SDK1: variants seen among roughly 807,000 people sequenced by gnomAD.
The protein encoded by SDK1 is protein sidekick-1.
SDK1 carries 157 observed loss-of-function variants against 245.5 expected under a neutral mutation model. That is an observed-to-expected ratio of 0.64 (90% CI 0.56 to 0.73). The LOEUF is 0.73. Ranked by LOEUF, SDK1 falls within the 30% of genes least tolerant of loss-of-function variation. The probability of loss-of-function intolerance (pLI) is 0.00; values close to 1 mark genes in which losing one functional copy is unlikely to be tolerated. For missense variants in SDK1, 3,583 were observed against 3,002.3 expected (o/e 1.19, Z -4.52); for synonymous variants, 1,647 against 1,278.5 (o/e 1.29, Z -6.15).
intron 4 of SDK1, among the ~76,000 whole-genome samples, chr7:3,756,816 A>G (rs998664264): frequency 4.6e-5 from 7 of 152,092 alleles, no homozygotes; most frequent in African/African-American, 4.8e-5. Flanking sequence ...GACTGGGGTT[A>G]TGGATTTTGG....
At chr7:3,823,501 A>G (rs887664948) in intron 5 of SDK1, among the ~76,000 whole-genome samples, 1 of 152,226 alleles carries the variant, frequency 6.6e-6, no homozygotes, top group Non-Finnish European at 1.5e-5. Flanking sequence ...GGGCCAGCAG[A>G]AAATAAAGCG....
At position 3,645,103 on chromosome 7, in the gene SDK1, T is replaced by C. The variant is rs183600837; in HGVS notation, c.713+2998T>C. ...CACTATATGCATGAGACAGCACTTA[T>C]TCACGAGTATGACAGGGTATAGAAT... is the stretch of plus-strand genomic sequence containing the variant. On this transcript the variant is annotated intron_variant, in intron 4 of 44. Transcript: ENST00000404826. Among the ~76,000 whole-genome samples, 8 of 152,350 alleles carry C rather than the reference T, an allele frequency of 5.3e-5. No individual in the cohort carries two copies. The East Asian group carries it at 1.2e-3, about 22-fold the overall frequency.
At chr7:3,426,479 G>T (rs1779681139) in intron 1 of SDK1, among the ~76,000 whole-genome samples, 1 of 152,140 alleles carries the variant, frequency 6.6e-6, no homozygotes, top group African/African-American at 2.4e-5. Context: ...TCTCTAAATG[G>T]TGATAATAAG....
intron 1 of SDK1, among the ~76,000 whole-genome samples, chr7:3,590,750 G>A (rs1162551243): frequency 6.7e-6 from 1 of 150,346 alleles, no homozygotes; most frequent in African/African-American, 2.5e-5. Flanking sequence ...TAGATTTAAT[G>A]GGTCTGCAGT....
At chr7:4,042,006 G>A (rs1046261456) in intron 17 of SDK1, among the ~76,000 whole-genome samples, 1 of 135,416 alleles carries the variant, frequency 7.4e-6, no homozygotes, top group Admixed American at 6.9e-5. Context: ...TAGAGGTGGG[G>A]TTTCATCATG....
chr7:3,411,381 A>G (rs1779195223), intron 1 of SDK1, among the ~76,000 whole-genome samples: 2 of 152,252 alleles, frequency 1.3e-5, no homozygotes, highest in Admixed American at 6.5e-5. Flanking sequence ...GGTTGACTAC[A>G]CATACAGTTA....
intron 1 of SDK1, among the ~76,000 whole-genome samples, chr7:3,321,454 CAG>C (rs1317654599): frequency 6.6e-6 from 1 of 152,126 alleles, no homozygotes; most frequent in Non-Finnish European, 1.5e-5. Flanking sequence ...GAGAATATGT[CAG>C]AACCTGGCTT....
At chr7:3,730,679 TC>T (rs1042870497) in intron 4 of SDK1, among the ~76,000 whole-genome samples, 1 of 152,128 alleles carries the variant, frequency 6.6e-6, no homozygotes, top group African/African-American at 2.4e-5. Flanking sequence ...AGATCAGTTT[TC>T]CTTACACACA....
intron 1 of SDK1, among the ~76,000 whole-genome samples, chr7:3,363,443 T>G (rs772018732): frequency 6.6e-6 from 1 of 152,236 alleles, no homozygotes; most frequent in Non-Finnish European, 1.5e-5. Flanking sequence ...CTATAGATTT[T>G]ATTGTGTATC....
chr7:3,334,409 C>G (rs1445841958), intron 1 of SDK1, among the ~76,000 whole-genome samples: 2 of 152,258 alleles, frequency 1.3e-5, no homozygotes, highest in South Asian at 2.1e-4. Context: ...CTTAATTGTC[C>G]TCCTGTTCTT....
chr7:3,485,750 A>G (rs1369948877), intron 1 of SDK1, among the ~76,000 whole-genome samples: 1 of 64,320 alleles, frequency 1.6e-5, no homozygotes, highest in Non-Finnish European at 3.0e-5. Flanking sequence ...TTTAAACTTT[A>G]TTTAAAAATG....
At chr7:4,213,892 C>G (rs1487745996) in intron 38 of SDK1, among the ~76,000 whole-genome samples, 1 of 152,168 alleles carries the variant, frequency 6.6e-6, no homozygotes, top group Non-Finnish European at 1.5e-5. Context: ...CAGCATGTCC[C>G]GCTTACATGG....
At chr7:3,403,734 C>T (rs1778951438) in intron 1 of SDK1, among the ~76,000 whole-genome samples, 1 of 148,508 alleles carries the variant, frequency 6.7e-6, no homozygotes. Flanking sequence ...CACTTGTGTG[C>T]TCTTCTGAAA....
chr7:3,731,545 T>A (rs2115041266), intron 4 of SDK1, among the ~76,000 whole-genome samples: 1 of 152,326 alleles, frequency 6.6e-6, no homozygotes, highest in East Asian at 1.9e-4. Flanking sequence ...ACACGTTATG[T>A]CTTAATCTGT....
rs1332197049 is a variant in SDK1 at position 4,241,809 on chromosome 7, C to T, written c.6147C>T (p.Thr2049=). 2 of 1,614,048 alleles carry T rather than the reference C, an allele frequency of 1.2e-6. No homozygotes were observed. The highest frequency in any genetic ancestry group is 1.3e-5 in the African/African-American group (1 of 74,932). ...KNCSTGKGIS[T]MEESVTLDNG... is the part of the protein sequence containing the mutation. ...GGGCTTTAGGAAAGGGGATCTCCAC[C>T]ATGGAGGAGTCTGTGACCCTGGACA... Residue 2049 remains threonine (T), a synonymous_variant, in exon 43 of 45, where the codon ACC becomes ACT. Coordinates refer to ENST00000404826, the MANE Select transcript of SDK1 (RefSeq NM_152744.4).
At chr7:4,241,665 G>T (rs949320747) in intron 42 of SDK1, 128 bp from the exon 43 acceptor site, 3 of 1,087,770 alleles carry the variant, frequency 2.8e-6, no homozygotes, top group South Asian at 3.1e-5. Flanking sequence ...GCTGAAGCAG[G>T]TATCCTCAGC....
At chr7:4,222,082 G>A in intron 40 of SDK1, among the ~76,000 whole-genome samples, 1 of 152,154 alleles carries the variant, frequency 6.6e-6, no homozygotes, top group East Asian at 1.9e-4. Flanking sequence ...ATGTGTCAGG[G>A]ACGCTATTCA....
intron 1 of SDK1, among the ~76,000 whole-genome samples, chr7:3,399,733 C>A (rs1452233506): frequency 6.6e-6 from 1 of 152,086 alleles, no homozygotes; most frequent in Non-Finnish European, 1.5e-5. Context: ...TTTACTAAGT[C>A]TCCCATCCTT....
rs190105721 is a variant in SDK1, at chr7:3,336,083, A to G, written c.298+34199A>G. On this transcript the variant is annotated intron_variant, in intron 1 of 44. Coordinates refer to ENST00000404826, the MANE Select transcript of SDK1 (RefSeq NM_152744.4). ...AGGCACAGACAGCAAAACTCTGAGA[A>G]GAGCCTGTTCCCCATAGCCAGAGGA... is the stretch of plus-strand genomic sequence containing the variant. 9.9e-5 allele frequency among the ~76,000 whole-genome samples: 15 copies of G among 152,276 alleles called. No homozygotes were observed. The East Asian group carries it at 2.9e-3, about 29-fold the overall frequency.
Sources: gnomAD v4.1 joint callset for allele counts (sites outside exome capture counted in the v4.1 genomes callset) on GRCh38, gnomAD v4.1.1 for gene constraint, MANE v1.5 for transcripts, NCBI Gene and HGNC (gene_info 2026-07-23, HGNC 2026-07-21) for gene names.